PCGF6: variants seen among roughly 807,000 people sequenced by gnomAD.
The protein encoded by PCGF6 is polycomb group ring finger 6.
Under a neutral mutation model 45.5 loss-of-function variants are expected in PCGF6, and 24 were observed. That is an observed-to-expected ratio of 0.53 (90% CI 0.38 to 0.74). PCGF6 has a LOEUF of 0.74. Among genes scored for constraint, PCGF6 ranks in the 30% least tolerant of loss-of-function variants. PCGF6 has a pLI of 0.00. For missense variants in PCGF6, 356 were observed against 443.2 expected (o/e 0.80, Z 1.77); for synonymous variants, 152 against 162.1 (o/e 0.94, Z 0.47).
chr10:103,349,479 GTTT>G (rs11450842), intron 1 of PCGF6, among the ~76,000 whole-genome samples: 12 of 108,140 alleles, frequency 1.1e-4, no homozygotes, highest in African/African-American at 4.0e-4. Context: ...CTTTCTTTCC[GTTT>G]TTTTTTTTTT....
intron 7 of PCGF6, among the ~76,000 whole-genome samples, chr10:103,332,918 T>C (rs986409299): frequency 6.6e-6 from 1 of 151,958 alleles, no homozygotes; most frequent in Non-Finnish European, 1.5e-5. Flanking sequence ...AGTTTGAGAA[T>C]AGCCTGGCCA....
intron 7 of PCGF6, among the ~76,000 whole-genome samples, chr10:103,327,864 A>C (rs2093225006): frequency 6.8e-6 from 1 of 147,546 alleles, no homozygotes; most frequent in South Asian, 2.1e-4. Context: ...TTTTCATTAG[A>C]GATAGGGTTT....
At chr10:103,321,531 T>A (rs558345549) in intron 8 of PCGF6, among the ~76,000 whole-genome samples, 2 of 151,848 alleles carry the variant, frequency 1.3e-5, no homozygotes, top group Non-Finnish European at 2.9e-5. Flanking sequence ...GGCTAAATGG[T>A]GAAACCCTGT....
chr10:103,306,200 C>T (rs1258809486), intron 9 of PCGF6, among the ~76,000 whole-genome samples: 1 of 151,648 alleles, frequency 6.6e-6, no homozygotes, highest in Non-Finnish European at 1.5e-5. Context: ...CGGGTTCAAG[C>T]GATTCTCCTG....
intron 7 of PCGF6, among the ~76,000 whole-genome samples, chr10:103,331,938 ACGCGCCAC>A (rs1471804484): frequency 3.9e-5 from 6 of 151,982 alleles, no homozygotes; most frequent in Non-Finnish European, 8.8e-5. Context: ...GACAACAGGC[ACGCGCCAC>A]CGCGCCTGGC....
intron 5 of PCGF6, among the ~76,000 whole-genome samples, chr10:103,345,600 G>C (rs1256535003): frequency 6.6e-6 from 1 of 152,058 alleles, no homozygotes; most frequent in Non-Finnish European, 1.5e-5. Flanking sequence ...GGCCAAGGTG[G>C]GTGGATCACC....
At chr10:103,317,916 G>C (rs770866148) in intron 8 of PCGF6, among the ~76,000 whole-genome samples, 2 of 151,158 alleles carry the variant, frequency 1.3e-5, no homozygotes, top group Non-Finnish European at 2.9e-5. Context: ...GCATCACCAC[G>C]CATGGCTAAT....
intron 7 of PCGF6, among the ~76,000 whole-genome samples, chr10:103,332,087 C>T (rs575887989): frequency 3.9e-5 from 6 of 151,960 alleles, no homozygotes; most frequent in African/African-American, 9.7e-5. Context: ...CCACCGCGCC[C>T]GGCCTAATAC....
chr10:103,321,218 G>A (rs1473204547), intron 8 of PCGF6, among the ~76,000 whole-genome samples: 1 of 152,026 alleles, frequency 6.6e-6, no homozygotes, highest in African/African-American at 2.4e-5. Flanking sequence ...ATGCACTGCC[G>A]CCTTGACCTC....
At position 103,303,962 on chromosome 10, in the gene PCGF6, C is replaced by G. The variant is rs766823431; in HGVS notation, c.997-1G>C. On this transcript the variant is annotated splice_acceptor_variant, in intron 9 of 9. Transcript: ENST00000369847. LOFTEE classifies it high-confidence loss of function. Reference sequence around the variant, plus strand: ...CATAATGAAGGACAAGCAGACCATCCTGAAAAGGGGAGAAAAAAAGACGAT... The same window carrying G: ...CATAATGAAGGACAAGCAGACCATCGTGAAAAGGGGAGAAAAAAAGACGAT... 1.9e-6 allele frequency: 3 copies of G among 1,612,774 alleles called. No homozygotes were observed. The Admixed American group carries it at 5.0e-5, about 27-fold the overall frequency.
rs766298294 is a variant in PCGF6, at chr10:103,350,864, C to A, written c.203G>T (p.Arg68Leu). 6.5e-7 allele frequency: 1 copy of A among 1,539,912 alleles called. No homozygotes were observed. Among genetic ancestry groups the A allele is most frequent in the South Asian group, 1.2e-5 (1 of 82,974 alleles). The change falls in exon 1 of 10, where the codon CGC becomes CTC. Residue 68 changes from arginine to leucine, a missense_variant. Arg to Leu is a moderately radical substitution (Grantham distance 102). Coordinates refer to ENST00000369847, the MANE Select transcript of PCGF6 (RefSeq NM_001011663.2). The part of the protein sequence containing the change: ...GSRPPELEPE[R>L]SLGRFRGRFE... Reference sequence around the variant, plus strand: ...GCGGCCTCTGAAGCGGCCCAGGCTGCGCTCCGGCTCCAGCTCAGGGGGCCG... The same window carrying A: ...GCGGCCTCTGAAGCGGCCCAGGCTGAGCTCCGGCTCCAGCTCAGGGGGCCG...
At position 103,314,284 on chromosome 10, in the gene PCGF6, AAG is replaced by A. The variant is rs778807441; in HGVS notation, c.910-14_910-13del. On this transcript the variant is annotated splice_polypyrimidine_tract_variant and intron_variant, in intron 8 of 9. Transcript: ENST00000369847. ...CAGATTATATCTACCTATGGACATGAAGAGAGTATTAGATTGATTTCTTGCTT... is the reference window on the plus strand; with the variant it reads ...CAGATTATATCTACCTATGGACATGAAGAGTATTAGATTGATTTCTTGCTT... 1.3e-6 allele frequency: 2 copies of A among 1,492,256 alleles called. No individual in the cohort carries two copies. The highest frequency in any genetic ancestry group is 1.2e-5 in the South Asian group (1 of 85,324). The allele number at this position is 1,492,256 out of a possible 1,614,324, so 92.4% of individuals were successfully genotyped here. A position where few individuals can be genotyped will look rare whatever the true frequency, so the allele number is the denominator to read the frequency against.
At chr10:103,343,359 T>G (rs1405230464) in intron 6 of PCGF6, among the ~76,000 whole-genome samples, 1 of 151,784 alleles carries the variant, frequency 6.6e-6, no homozygotes, top group Admixed American at 6.6e-5. Context: ...AGTAAAATAG[T>G]CATCAGTGAT....
chr10:103,313,926 T>C (rs1414516719), intron 9 of PCGF6, among the ~76,000 whole-genome samples: 4 of 152,208 alleles, frequency 2.6e-5, no homozygotes, highest in Non-Finnish European at 5.9e-5. Flanking sequence ...GTATCTCAGT[T>C]TCCTTTATCT....
intron 8 of PCGF6, among the ~76,000 whole-genome samples, chr10:103,317,397 T>C (rs764772777): frequency 6.6e-6 from 1 of 152,248 alleles, no homozygotes; most frequent in Non-Finnish European, 1.5e-5. Context: ...GTATTATTAC[T>C]ATATTTTCAA....
chr10:103,320,247 A>G (rs1402502907), intron 8 of PCGF6, among the ~76,000 whole-genome samples: 2 of 152,200 alleles, frequency 1.3e-5, no homozygotes, highest in Non-Finnish European at 2.9e-5. Flanking sequence ...CTGAATATCA[A>G]ACAAAGCAAA....
At chr10:103,331,418 T>C (rs969697559) in intron 7 of PCGF6, among the ~76,000 whole-genome samples, 5 of 152,050 alleles carry the variant, frequency 3.3e-5, no homozygotes, top group Non-Finnish European at 7.4e-5. Context: ...CCACCACGCC[T>C]GGCTAATTTT....
chr10:103,345,997 A>C (rs763300699), intron 5 of PCGF6, among the ~76,000 whole-genome samples: 1 of 151,674 alleles, frequency 6.6e-6, no homozygotes, highest in African/African-American at 2.4e-5. Flanking sequence ...GTTCGGGACC[A>C]GCCTGGCCAA....
chr10:103,308,911 T>C (rs1010298350), intron 9 of PCGF6, among the ~76,000 whole-genome samples: 6 of 152,030 alleles, frequency 3.9e-5, no homozygotes, highest in Non-Finnish European at 7.4e-5. Context: ...AAAAAATTAA[T>C]GGCTGCTGTT....
Sources: gnomAD v4.1 joint callset for allele counts (sites outside exome capture counted in the v4.1 genomes callset) on GRCh38, gnomAD v4.1.1 for gene constraint, MANE v1.5 for transcripts, NCBI Gene and HGNC (gene_info 2026-07-23, HGNC 2026-07-21) for gene names.